The following SIRT5 variants were observed in gnomAD, a reference collection of about 807,000 sequenced individuals.
SIRT5 encodes NAD-dependent protein deacylase sirtuin-5, mitochondrial.
Under a neutral mutation model 40.0 loss-of-function variants are expected in SIRT5, and 26 were observed. That is an observed-to-expected ratio of 0.65 (90% CI 0.48 to 0.90). SIRT5 has a LOEUF of 0.90. Ranked by LOEUF, SIRT5 falls within the 40% of genes least tolerant of loss-of-function variation. The pLI is 0.00. For synonymous variants in SIRT5, 146 were observed against 149.1 expected, an observed-to-expected ratio of 0.98 and a Z score of 0.15; for missense variants, 401 against 402.4, an observed-to-expected ratio of 1.00 and a Z score of 0.03.
intron 4 of SIRT5, chr6:13,589,676 AG>A (rs911327129): frequency 2.0e-5 from 3 of 152,284 alleles, no homozygotes; most frequent in Non-Finnish European, 4.4e-5. Context: ...ATCTGGGTGA[AG>A]GGTGGGGGTC....
At chr6:13,590,825 G>A (rs959027579) in intron 4 of SIRT5, among the ~76,000 whole-genome samples, 1 of 151,536 alleles carries the variant, frequency 6.6e-6, no homozygotes, top group African/African-American at 2.4e-5. Flanking sequence ...TTGTGTGTGT[G>A]TTTAGCTGTG....
chr6:13,596,935 C>G, intron 6 of SIRT5, 28 bp from the exon 7 acceptor site: 1 of 1,566,608 alleles, frequency 6.4e-7, no homozygotes, highest in Non-Finnish European at 8.7e-7. Context: ...CAATAACAAT[C>G]TTTCTTTTCT....
At chr6:13,584,353 C>T in intron 3 of SIRT5, 128 bp downstream of exon 3, 1 of 678,518 alleles carries the variant, frequency 1.5e-6, no homozygotes. Flanking sequence ...ACTCTGTCAT[C>T]TTCTCTTTTT....
chr6:13,581,303 A>T (rs908746910), intron 2 of SIRT5, among the ~76,000 whole-genome samples: 8 of 152,212 alleles, frequency 5.3e-5, no homozygotes, highest in African/African-American at 1.4e-4. Context: ...CTTATCTTTC[A>T]AAACTTTGAT....
At chr6:13,585,902 C>T (rs1222326651) in intron 3 of SIRT5, among the ~76,000 whole-genome samples, 1 of 152,182 alleles carries the variant, frequency 6.6e-6, no homozygotes, top group South Asian at 2.1e-4. Flanking sequence ...TGTCCAGCAC[C>T]TGTTGTTTCC....
intron 9 of SIRT5, among the ~76,000 whole-genome samples, chr6:13,609,227 T>C (rs1763522752): frequency 6.6e-6 from 1 of 152,226 alleles, no homozygotes. Flanking sequence ...CCTCCTGTTC[T>C]AACCCAATCC....
At chr6:13,574,495 C>G (rs1584714044), upstream of SIRT5, 3 of 139,286 alleles carry the variant, frequency 2.2e-5, no homozygotes, top group South Asian at 7.2e-4. Context: ...CCTGCGGTCC[C>G]GGGCTGGTGA....
intron 7 of SIRT5, among the ~76,000 whole-genome samples, chr6:13,597,572 A>C (rs376333870): frequency 1.3e-5 from 2 of 151,902 alleles, no homozygotes; most frequent in East Asian, 1.9e-4. Context: ...TTGAGATGGA[A>C]TCTCACTCTG....
At chr6:13,604,855 TAACA>T in intron 9 of SIRT5, 3 of 1,033,134 alleles carry the variant, frequency 2.9e-6, no homozygotes, top group Non-Finnish European at 3.5e-6. Flanking sequence ...TGATTGTCTC[TAACA>T]AACAGGCTAC....
At chr6:13,580,305 T>G (rs564950553) in intron 2 of SIRT5, among the ~76,000 whole-genome samples, 2 of 152,316 alleles carry the variant, frequency 1.3e-5, no homozygotes, top group East Asian at 3.9e-4. Context: ...GCTTGCTTAT[T>G]TGTAGGTGAG....
chr6:13,606,312 G>A (rs570665264), intron 9 of SIRT5, among the ~76,000 whole-genome samples: 1 of 152,346 alleles, frequency 6.6e-6, no homozygotes, highest in African/African-American at 2.4e-5. Context: ...GAGCAGTAAA[G>A]TAATGGAGTT....
intron 1 of SIRT5, among the ~76,000 whole-genome samples, chr6:13,575,081 C>T (rs1320540091): frequency 1.3e-5 from 2 of 151,990 alleles, no homozygotes; most frequent in African/African-American, 4.8e-5. Context: ...TCCCTGGGCA[C>T]GAGTAGTAGC....
At chr6:13,581,001 T>C (rs1759276422) in intron 2 of SIRT5, among the ~76,000 whole-genome samples, 1 of 152,170 alleles carries the variant, frequency 6.6e-6, no homozygotes, top group Non-Finnish European at 1.5e-5. Context: ...TTTGAAATAA[T>C]TTTAGGCTTA....
chr6:13,586,503 C>A (rs1287541138), intron 3 of SIRT5, among the ~76,000 whole-genome samples: 2 of 152,144 alleles, frequency 1.3e-5, no homozygotes, highest in African/African-American at 4.8e-5. Flanking sequence ...AATAGGGAAT[C>A]TTTTCCCCCT....
intron 2 of SIRT5, among the ~76,000 whole-genome samples, chr6:13,580,022 T>C (rs754482711): frequency 1.3e-5 from 2 of 152,220 alleles, no homozygotes; most frequent in African/African-American, 2.4e-5. Flanking sequence ...GTGATATTCA[T>C]GTTGGTTGGA....
intron 5 of SIRT5, among the ~76,000 whole-genome samples, chr6:13,592,312 T>A (rs1345768413): frequency 6.6e-6 from 1 of 152,202 alleles, no homozygotes; most frequent in Admixed American, 6.5e-5. Context: ...TGCGTGACCC[T>A]TTCCTCTGTG....
Position 13,594,170 on chromosome 6 carries a change from G to A in SIRT5, c.476-1307G>A, listed in dbSNP as rs972566537. ...CCAGGGGCTGAATCTGCCCGGTCAGGCCACGGAGAATAACAACAAAGTCAC... is the reference window on the plus strand; with the variant it reads ...CCAGGGGCTGAATCTGCCCGGTCAGACCACGGAGAATAACAACAAAGTCAC... On this transcript the variant is annotated intron_variant, in intron 5 of 9. Coordinates refer to ENST00000606117, the MANE Select transcript of SIRT5 (RefSeq NM_012241.5). Among the ~76,000 whole-genome samples, 3 of 152,258 alleles carry A rather than the reference G, an allele frequency of 2.0e-5. 1 individual carries two copies. The highest frequency in any genetic ancestry group is 4.1e-4 in the South Asian group (2 of 4,824).
chr6:13,596,842 T>C (rs1761626295), intron 6 of SIRT5, 121 bp from the exon 7 acceptor site: 1 of 707,930 alleles, frequency 1.4e-6, no homozygotes, highest in African/African-American at 1.8e-5. Flanking sequence ...CAAGTGAGCA[T>C]GTATTAATTA....
At chr6:13,578,068 G>A (rs746551554) in intron 1 of SIRT5, among the ~76,000 whole-genome samples, 38 of 152,116 alleles carry the variant, frequency 2.5e-4, no homozygotes, top group Non-Finnish European at 4.9e-4. Flanking sequence ...TGATCATACA[G>A]TTTTTGTCCT....
Sources: gnomAD v4.1 joint callset for allele counts (sites outside exome capture counted in the v4.1 genomes callset) on GRCh38, gnomAD v4.1.1 for gene constraint, MANE v1.5 for transcripts, NCBI Gene and HGNC (gene_info 2026-07-23, HGNC 2026-07-21) for gene names.